USP49: variants seen among roughly 807,000 people sequenced by gnomAD.
USP49 encodes the protein ubiquitin specific peptidase 49, also known as ubiquitin carboxyl-terminal hydrolase 49.
Under a neutral mutation model 58.6 loss-of-function variants are expected in USP49, and 24 were observed. The observed-to-expected ratio is 0.41, with a 90% CI of 0.30 to 0.58. The LOEUF (loss-of-function observed/expected upper bound fraction) is 0.58, where lower values mean the gene tolerates loss of function less well. Ranked by LOEUF, USP49 falls within the 20% of genes least tolerant of loss-of-function variation. The pLI, the probability that USP49 is intolerant of heterozygous loss-of-function variation, is 0.30. For missense variants in USP49, 703 were observed against 866.1 expected, an observed-to-expected ratio of 0.81 and a Z score of 2.36; for synonymous variants, 408 against 365.1, an observed-to-expected ratio of 1.12 and a Z score of -1.34.
At chr6:41,864,978 C>G (rs1246100618) in intron 3 of USP49, among the ~76,000 whole-genome samples, 1 of 152,068 alleles carries the variant, frequency 6.6e-6, no homozygotes, top group East Asian at 1.9e-4. Flanking sequence ...TATTTTTCTT[C>G]AAATAATAAA....
chr6:41,866,163 G>A (rs1363565524), intron 3 of USP49, among the ~76,000 whole-genome samples: 2 of 151,502 alleles, frequency 1.3e-5, no homozygotes, highest in African/African-American at 2.4e-5. Context: ...CTCGTGATCC[G>A]CCCACCTCGG....
At chr6:41,838,927 C>T (rs1324881377) in intron 3 of USP49, among the ~76,000 whole-genome samples, 3 of 152,238 alleles carry the variant, frequency 2.0e-5, no homozygotes, top group East Asian at 1.9e-4. Flanking sequence ...CCAAAAGGAA[C>T]GCTCGAAACT....
chr6:41,809,776 G>A (rs1190362271), intron 3 of USP49, among the ~76,000 whole-genome samples: 4 of 151,390 alleles, frequency 2.6e-5, no homozygotes, highest in East Asian at 1.9e-4. Flanking sequence ...GCAGTGAGCC[G>A]AGATTGCGCC....
intron 1 of USP49, 60 bp downstream of exon 1, chr6:41,895,264 G>GC (rs1267164278): frequency 1.4e-5 from 2 of 145,438 alleles, no homozygotes; most frequent in Admixed American, 1.4e-4. Flanking sequence ...ACCCCCTGGA[G>GC]CTACCCACTT....
intron 5 of USP49, among the ~76,000 whole-genome samples, chr6:41,802,473 TTA>T (rs1239976177): frequency 7.6e-5 from 7 of 91,850 alleles, no homozygotes; most frequent in South Asian, 3.6e-4. Context: ...TATTTATTTT[TTA>T]TTTATTTTTT....
At chr6:41,819,061 A>C (rs1773409147) in intron 3 of USP49, among the ~76,000 whole-genome samples, 1 of 151,964 alleles carries the variant, frequency 6.6e-6, no homozygotes, top group South Asian at 2.1e-4. Flanking sequence ...ATATTTGTTG[A>C]GATTTTGTGC....
chr6:41,811,448 G>T (rs1162546092), intron 3 of USP49, among the ~76,000 whole-genome samples: 2 of 151,982 alleles, frequency 1.3e-5, no homozygotes, highest in African/African-American at 4.8e-5. Flanking sequence ...AACTTTATAG[G>T]TATGTATGTA....
intron 3 of USP49, among the ~76,000 whole-genome samples, chr6:41,854,023 A>G (rs1162432494): frequency 1.4e-4 from 21 of 148,848 alleles, no homozygotes; most frequent in Non-Finnish European, 2.7e-4. Flanking sequence ...AAAAAAAAAA[A>G]GAAGCAGGGT....
chr6:41,882,327 G>A (rs1774623248), intron 2 of USP49, among the ~76,000 whole-genome samples: 1 of 152,030 alleles, frequency 6.6e-6, no homozygotes, highest in East Asian at 1.9e-4. Flanking sequence ...AGAATAGAAA[G>A]GTGAGAAACT....
At chr6:41,844,028 G>A (rs1262125926) in intron 3 of USP49, among the ~76,000 whole-genome samples, 1 of 150,990 alleles carries the variant, frequency 6.6e-6, no homozygotes, top group Non-Finnish European at 1.5e-5. Flanking sequence ...TGGGCAACAA[G>A]AGCGAAAATC....
chr6:41,873,501 C>G (rs1267549911), intron 2 of USP49, among the ~76,000 whole-genome samples: 1 of 152,144 alleles, frequency 6.6e-6, no homozygotes, highest in Non-Finnish European at 1.5e-5. Flanking sequence ...GTTCTAGGTT[C>G]GGGGATCTGA....
At chr6:41,837,930 T>C (rs765408266) in intron 3 of USP49, among the ~76,000 whole-genome samples, 4 of 152,170 alleles carry the variant, frequency 2.6e-5, no homozygotes, top group Non-Finnish European at 4.4e-5. Context: ...TAGAATGCTA[T>C]TATTTAAAAG....
At chr6:41,797,548 C>G (rs866038717) in intron 7 of USP49, 8 of 877,480 alleles carry the variant, frequency 9.1e-6, no homozygotes, top group Middle Eastern at 5.8e-4. Context: ...GAAGACTCCA[C>G]TCTGGAGGAT....
intron 3 of USP49, among the ~76,000 whole-genome samples, chr6:41,825,484 G>A (rs547508394): frequency 6.6e-6 from 1 of 151,904 alleles, no homozygotes; most frequent in South Asian, 2.1e-4. Flanking sequence ...AAGTCTCACT[G>A]ACCTCATAAT....
intron 2 of USP49, among the ~76,000 whole-genome samples, chr6:41,886,081 A>G (rs1774705323): frequency 6.6e-6 from 1 of 152,248 alleles, no homozygotes; most frequent in African/African-American, 2.4e-5. Context: ...AGACCCTTCT[A>G]ATCAGTTGAC....
intron 3 of USP49, among the ~76,000 whole-genome samples, chr6:41,852,837 T>C (rs1421493094): frequency 6.6e-6 from 1 of 152,112 alleles, no homozygotes; most frequent in African/African-American, 2.4e-5. Flanking sequence ...CATCAATGGA[T>C]AAACGGATAA....
At chr6:41,841,368 T>C (rs1773824842) in intron 3 of USP49, among the ~76,000 whole-genome samples, 1 of 152,208 alleles carries the variant, frequency 6.6e-6, no homozygotes, top group Non-Finnish European at 1.5e-5. Context: ...TTATTCTTTC[T>C]TCGATTCTAG....
At chr6:41,894,305 C>A (rs1479945743) in intron 1 of USP49, 1 of 152,390 alleles carries the variant, frequency 6.6e-6, no homozygotes, top group South Asian at 2.1e-4. Context: ...TACACCCTAA[C>A]TCTAGTCTCC....
intron 3 of USP49, among the ~76,000 whole-genome samples, chr6:41,821,813 A>G (rs1324981154): frequency 6.6e-6 from 1 of 152,158 alleles, no homozygotes; most frequent in East Asian, 1.9e-4. Context: ...CTCATCCTAT[A>G]CATTTATAAG....
Sources: allele counts gnomAD v4.1 joint callset (sites outside exome capture counted in the v4.1 genomes callset), GRCh38; gene constraint gnomAD v4.1.1; transcripts MANE v1.5; gene names NCBI Gene and HGNC (gene_info 2026-07-23, HGNC 2026-07-21).